The following BCR variants were observed in gnomAD, a reference collection of about 807,000 sequenced individuals.
BCR encodes the protein breakpoint cluster region protein.
Under a neutral mutation model 138.6 loss-of-function variants are expected in BCR, and 58 were observed. The ratio of observed to expected loss-of-function variants is 0.42; its 90% CI spans 0.34 to 0.52. The LOEUF (loss-of-function observed/expected upper bound fraction) is 0.52, where lower values mean the gene tolerates loss of function less well. Among genes scored for constraint, BCR ranks in the 20% least tolerant of loss-of-function variants. The pLI, the probability that BCR is intolerant of heterozygous loss-of-function variation, is 0.06. For synonymous variants in BCR, 786 were observed against 730.1 expected, an observed-to-expected ratio of 1.08 and a Z score of -1.23; for missense variants, 1,599 against 1,727.2, an observed-to-expected ratio of 0.93 and a Z score of 1.32.
chr22:23,290,539 C>T, intron 14 of BCR, 126 bp downstream of exon 14: 1 of 976,788 alleles, frequency 1.0e-6, no homozygotes, highest in Non-Finnish European at 1.6e-6. Flanking sequence ...ACCTTTGACC[C>T]TGGCCGCTGT....
At chr22:23,313,574 T>C (rs1602137274) in intron 20 of BCR, among the ~76,000 whole-genome samples, 1 of 152,186 alleles carries the variant, frequency 6.6e-6, no homozygotes, top group Non-Finnish European at 1.5e-5. Context: ...TTGGTGGGGC[T>C]GGGACCCTCC....
At chr22:23,192,944 G>A (rs2072433689) in intron 1 of BCR, among the ~76,000 whole-genome samples, 2 of 152,162 alleles carry the variant, frequency 1.3e-5, no homozygotes, top group Admixed American at 1.3e-4. Flanking sequence ...CCATCTCCAG[G>A]CAAAGCCAGG....
chr22:23,303,366 T>C (rs1187963944), intron 16 of BCR, among the ~76,000 whole-genome samples: 2 of 152,050 alleles, frequency 1.3e-5, no homozygotes, highest in Admixed American at 6.5e-5. Flanking sequence ...GATACCGTCA[T>C]GAAGGCACCA....
At chr22:23,300,017 G>A (rs2073887436) in intron 16 of BCR, among the ~76,000 whole-genome samples, 1 of 152,208 alleles carries the variant, frequency 6.6e-6, no homozygotes, top group African/African-American at 2.4e-5. Context: ...TAAAAAAATT[G>A]TAAAATAAGC....
intron 13 of BCR, chr22:23,289,925 T>TCCTCCCAGC: frequency 1.9e-6 from 1 of 518,986 alleles, no homozygotes; most frequent in Non-Finnish European, 3.5e-6. Context: ...CCCACTCCCG[T>TCCTCCCAGC]CCTCCCAGCC....
At chr22:23,269,812 CTT>C (rs1207444494) in intron 5 of BCR, among the ~76,000 whole-genome samples, 1 of 152,198 alleles carries the variant, frequency 6.6e-6, no homozygotes, top group African/African-American at 2.4e-5. Flanking sequence ...GGGACCTGAT[CTT>C]TTAAGAACAG....
chr22:23,237,929 G>A (rs759463679), intron 1 of BCR, among the ~76,000 whole-genome samples: 4 of 152,214 alleles, frequency 2.6e-5, no homozygotes, highest in Non-Finnish European at 4.4e-5. Flanking sequence ...GAAAGAGTGC[G>A]CTGCTAAATG....
chr22:23,244,290 C>T (rs2073130434), intron 1 of BCR, among the ~76,000 whole-genome samples: 1 of 152,110 alleles, frequency 6.6e-6, no homozygotes, highest in South Asian at 2.1e-4. Flanking sequence ...CATCTCAAAG[C>T]CTTTAACTTC....
chr22:23,298,146 C>T (rs2073866088), intron 16 of BCR, among the ~76,000 whole-genome samples: 2 of 152,038 alleles, frequency 1.3e-5, no homozygotes, highest in African/African-American at 2.4e-5. Flanking sequence ...GACTTGCAGC[C>T]AAGAAGCAGG....
intron 5 of BCR, among the ~76,000 whole-genome samples, chr22:23,268,822 GCT>G (rs976485477): frequency 2.6e-5 from 4 of 152,238 alleles, no homozygotes; most frequent in Admixed American, 2.6e-4. Context: ...CCTGTGAGCA[GCT>G]CTCTCCACAA....
intron 1 of BCR, among the ~76,000 whole-genome samples, chr22:23,240,746 T>C (rs1269695011): frequency 1.3e-5 from 2 of 152,168 alleles, no homozygotes; most frequent in Admixed American, 6.5e-5. Flanking sequence ...ATTCAGTACA[T>C]CCACATTATC....
intron 22 of BCR, 40 bp from the exon 23 acceptor site, chr22:23,315,393 G>T: frequency 6.3e-7 from 1 of 1,594,022 alleles, no homozygotes; most frequent in Non-Finnish European, 8.6e-7. Context: ...TGTGAGCCCC[G>T]CTCTGAGCCA....
chr22:23,300,936 G>C (rs2073896111), intron 16 of BCR, among the ~76,000 whole-genome samples: 1 of 152,230 alleles, frequency 6.6e-6, no homozygotes, highest in Non-Finnish European at 1.5e-5. Context: ...AGGAGAAATG[G>C]GAGAAGACAA....
intron 16 of BCR, among the ~76,000 whole-genome samples, chr22:23,301,553 C>A (rs2073902556): frequency 6.6e-6 from 1 of 152,232 alleles, no homozygotes; most frequent in Admixed American, 6.5e-5. Context: ...AAATCCCTCC[C>A]TGAAGATACA....
At chr22:23,310,166 T>G (rs540407365) in intron 17 of BCR, 158 bp from the exon 18 acceptor site, 13 of 529,638 alleles carry the variant, frequency 2.5e-5, no homozygotes, top group South Asian at 2.3e-4. Flanking sequence ...CTTGCTGAAG[T>G]AGACTAGGGG....
intron 1 of BCR, among the ~76,000 whole-genome samples, chr22:23,199,718 C>A (rs935373089): frequency 8.5e-5 from 13 of 152,252 alleles, no homozygotes; most frequent in Admixed American, 8.5e-4. Context: ...TCTTCTTTGT[C>A]TCTCCTTTCT....
chr22:23,293,831 C>T (rs920406591), intron 15 of BCR, among the ~76,000 whole-genome samples: 1 of 151,400 alleles, frequency 6.6e-6, no homozygotes, highest in African/African-American at 2.4e-5. Flanking sequence ...TATTCAGGTT[C>T]AGAAATTCCT....
chr22:23,199,347 G>A lies in BCR; in HGVS notation c.1279+17108G>A, dbSNP rs773774167. The A allele has an allele frequency of 6.8e-5, 35 of 515,848 alleles. No homozygotes were observed. The Admixed American group carries it at 6.9e-4, about 10-fold the overall frequency. 32.0% of individuals were successfully genotyped at this position (515,848 alleles called of 1,614,324 possible). On this transcript the variant is annotated intron_variant, in intron 1 of 22. Transcript: ENST00000305877. The stretch of plus-strand genomic sequence containing the variant: ...CCTGTGTCATCTCCTGGCTTCCCCG[G>A]CCCTTGTGAGCCCCGCGGTTGCTTA...
Position 23,181,628 on chromosome 22 carries a change from T to G in BCR, c.668T>G (p.Val223Gly). 6.2e-7 allele frequency: 1 copy of G among 1,611,164 alleles called. No homozygotes were observed. The highest frequency in any genetic ancestry group is 1.3e-5 in the African/African-American group (1 of 75,034). ...KKSQHGAGSS[V>G]GDASRPPYRG... ...TCCCAGCACGGCGCGGGCTCGAGCG[T>G]GGGGGATGCATCCAGGCCCCCTTAC... Residue 223 changes from valine (V) to glycine (G), a missense_variant, in exon 1 of 23, where the codon GTG becomes GGG. Val to Gly is a moderately radical substitution (Grantham distance 109). Around this residue, in one of 4 missense-constraint regions of BCR, gnomAD observed 806 missense variants for 635.0 expected, o/e 1.27. Transcript: ENST00000305877.
Sources: allele counts gnomAD v4.1 joint callset (sites outside exome capture counted in the v4.1 genomes callset), GRCh38; gene constraint gnomAD v4.1.1; regional missense constraint gnomAD v4.1.1; transcripts MANE v1.5; gene names NCBI Gene and HGNC (gene_info 2026-07-23, HGNC 2026-07-21).